Variants in TTBK2 observed in about 807,000 individuals in gnomAD.
TTBK2 encodes tau tubulin kinase 2, also known as tau-tubulin kinase 2.
Under a neutral mutation model 110.8 loss-of-function variants are expected in TTBK2, and 28 were observed. The ratio of observed to expected loss-of-function variants is 0.25; its 90% CI spans 0.19 to 0.35. The LOEUF is 0.35. TTBK2 is among the 10% of genes least tolerant of loss of function. The probability of loss-of-function intolerance (pLI) is 1.00; values close to 1 mark genes in which losing one functional copy is unlikely to be tolerated. For synonymous variants in TTBK2, 532 were observed against 527.3 expected (o/e 1.01, Z -0.12); for missense variants, 1,369 against 1,500.3 (o/e 0.91, Z 1.45).
At chr15:42,751,814 C>A (rs1035993488) in intron 14 of TTBK2, among the ~76,000 whole-genome samples, 160 bp downstream of exon 14, 1 of 152,212 alleles carries the variant, frequency 6.6e-6, no homozygotes, top group African/African-American at 2.4e-5. Context: ...TGGAAAAAAT[C>A]TGATTACTTC....
intron 13 of TTBK2, among the ~76,000 whole-genome samples, chr15:42,758,360 T>C (rs928381521): frequency 3.3e-5 from 5 of 151,972 alleles, no homozygotes; most frequent in African/African-American, 4.8e-5. Flanking sequence ...TTTATAGAAA[T>C]GTTGAAAATT....
Position 42,773,767 on chromosome 15 carries a change from G to A in TTBK2, c.1998+1368C>T, listed in dbSNP as rs531059730. Among the ~76,000 whole-genome samples, 3 of 152,160 alleles carry A rather than the reference G, an allele frequency of 2.0e-5. No homozygotes were observed. The South Asian group carries it at 6.2e-4, about 32-fold the overall frequency. ...TGAACCTGGGAAGGTGGAAAGAGTG[G>A]ATGAATGGAAAGAGGAAAGGTGGGT... On this transcript the variant is annotated intron_variant, in intron 13 of 14. Transcript: ENST00000267890.
chr15:42,762,445 C>T (rs533684755), intron 13 of TTBK2, among the ~76,000 whole-genome samples: 33 of 152,136 alleles, frequency 2.2e-4, no homozygotes, highest in Non-Finnish European at 4.7e-4. Context: ...CGGCCGGGCA[C>T]GGTGGCTCAT....
At chr15:42,784,272 A>G (rs1314433550) in intron 10 of TTBK2, among the ~76,000 whole-genome samples, 1 of 152,028 alleles carries the variant, frequency 6.6e-6, no homozygotes, top group East Asian at 1.9e-4. Context: ...TGTCAATTAT[A>G]ACAACATTTT....
At chr15:42,835,608 T>G (rs1892953970) in intron 4 of TTBK2, among the ~76,000 whole-genome samples, 1 of 151,720 alleles carries the variant, frequency 6.6e-6, no homozygotes, top group Admixed American at 6.6e-5. Flanking sequence ...TATTTGGAAC[T>G]CAATTCAAAT....
rs1280504506 is a variant in TTBK2, at chr15:42,739,520, G to T, written c.*6275C>A. Reference sequence around the variant, plus strand: ...AGACACTGGCTATTTTAGAAAAAGGGTCAGAAGGTAGACCAGGAACTATGT... The same window carrying T: ...AGACACTGGCTATTTTAGAAAAAGGTTCAGAAGGTAGACCAGGAACTATGT... On this transcript the variant is annotated 3_prime_UTR_variant, in exon 15 of 15. Transcript: ENST00000267890. 1 of 152,184 alleles carries T rather than the reference G, an allele frequency of 6.6e-6. No individual in the cohort carries two copies. Among genetic ancestry groups the T allele is most frequent in the Non-Finnish European group, 1.5e-5 (1 of 68,046 alleles). 9.4% of individuals were successfully genotyped at this position (152,184 alleles called of 1,614,324 possible).
intron 1 of TTBK2, among the ~76,000 whole-genome samples, chr15:42,896,419 A>C (rs1241894250): frequency 6.6e-6 from 1 of 152,172 alleles, no homozygotes; most frequent in African/African-American, 2.4e-5. Flanking sequence ...ATATGTAAAA[A>C]ACAGAACCCC....
chr15:42,810,877 C>G, intron 8 of TTBK2, 138 bp from the exon 9 acceptor site: 1 of 959,824 alleles, frequency 1.0e-6, no homozygotes, highest in Non-Finnish European at 1.6e-6. Flanking sequence ...GAACTGAGCT[C>G]TTACTAACAG....
chr15:42,827,832 T>A, intron 6 of TTBK2, 96 bp downstream of exon 6: 1 of 950,532 alleles, frequency 1.1e-6, no homozygotes, highest in Non-Finnish European at 1.6e-6. Context: ...TTAGATAACA[T>A]CCATTAGGAT....
At chr15:42,862,535 C>T (rs1202358628) in intron 3 of TTBK2, among the ~76,000 whole-genome samples, 1 of 152,158 alleles carries the variant, frequency 6.6e-6, no homozygotes, top group Admixed American at 6.5e-5. Flanking sequence ...TAAAATCCAA[C>T]ATTCCTTCAT....
In TTBK2 at chr15:42,753,326, C is replaced by T. The variant is rs574962615; in HGVS notation, c.1999-79G>A. The T allele has an allele frequency of 7.8e-4, 1,093 of 1,403,270 alleles. 1 individual carries two copies. The highest frequency in any genetic ancestry group is 1.0e-3 in the Non-Finnish European group (1,024 of 1,021,674). The allele number at this position is 1,403,270 out of a possible 1,614,324, so 86.9% of individuals were successfully genotyped here. On this transcript the variant is annotated intron_variant, in intron 13 of 14. Coordinates refer to ENST00000267890, the MANE Select transcript of TTBK2 (RefSeq NM_173500.4). ...ATGCATGCTTTGAGATTTAACATCT[C>T]CAATTCTAATTTATAGGAAGAACAC...
chr15:42,832,701 A>C (rs1025140160), intron 4 of TTBK2, among the ~76,000 whole-genome samples: 1 of 152,192 alleles, frequency 6.6e-6, no homozygotes, highest in African/African-American at 2.4e-5. Flanking sequence ...CATTCTGAGT[A>C]GTGTGATGAA....
intron 1 of TTBK2, among the ~76,000 whole-genome samples, chr15:42,893,948 T>C (rs1895568681): frequency 6.6e-6 from 1 of 152,100 alleles, no homozygotes. Flanking sequence ...TAAAAAAATA[T>C]GGGCATGATA....
At chr15:42,769,930 G>T (rs1464101611) in intron 13 of TTBK2, among the ~76,000 whole-genome samples, 1 of 152,092 alleles carries the variant, frequency 6.6e-6, no homozygotes, top group Non-Finnish European at 1.5e-5. Context: ...GCCATAAAAA[G>T]GATGAGTTCA....
At chr15:42,874,313 T>A (rs1038933389) in intron 2 of TTBK2, among the ~76,000 whole-genome samples, 19 of 152,050 alleles carry the variant, frequency 1.2e-4, no homozygotes, top group Non-Finnish European at 2.4e-4. Context: ...TTTTTTTATT[T>A]TTTTTATTTT....
At chr15:42,831,548 G>A (rs938263990) in intron 4 of TTBK2, among the ~76,000 whole-genome samples, 1 of 152,190 alleles carries the variant, frequency 6.6e-6, no homozygotes, top group African/African-American at 2.4e-5. Context: ...CTAAATAGAA[G>A]CTGTTCCTGT....
At chr15:42,821,960 G>C (rs1892323044) in intron 6 of TTBK2, among the ~76,000 whole-genome samples, 1 of 151,406 alleles carries the variant, frequency 6.6e-6, no homozygotes, top group South Asian at 2.1e-4. Flanking sequence ...AAAGTGCTGG[G>C]ATTACAGGTG....
At chr15:42,888,579 C>T (rs900481519) in intron 1 of TTBK2, among the ~76,000 whole-genome samples, 20 of 152,100 alleles carry the variant, frequency 1.3e-4, no homozygotes, top group Admixed American at 7.9e-4. Context: ...CTCAGCAAGC[C>T]GAACTCATTG....
At chr15:42,819,392 T>A (rs140035702) in intron 6 of TTBK2, among the ~76,000 whole-genome samples, 325 of 152,250 alleles carry the variant, frequency 2.1e-3, no homozygotes, top group Non-Finnish European at 3.3e-3. Context: ...TGGTTGTATG[T>A]TATTGCACAG....
Sources: gnomAD v4.1 joint callset for allele counts (sites outside exome capture counted in the v4.1 genomes callset) on GRCh38, gnomAD v4.1.1 for gene constraint, MANE v1.5 for transcripts, NCBI Gene and HGNC (gene_info 2026-07-23, HGNC 2026-07-21) for gene names.